EHBP1: variants seen among roughly 807,000 people sequenced by gnomAD.
The protein encoded by EHBP1 is EH domain binding protein 1, also known as EH domain-binding protein 1.
EHBP1 carries 55 observed loss-of-function variants against 144.0 expected under a neutral mutation model. The ratio of observed to expected loss-of-function variants is 0.38; its 90% CI spans 0.31 to 0.48. The LOEUF (loss-of-function observed/expected upper bound fraction) is 0.48, where lower values mean the gene tolerates loss of function less well. EHBP1 is among the 20% of genes least tolerant of loss of function. The pLI is 0.98. For missense variants in EHBP1, 1,200 were observed against 1,364.2 expected (o/e 0.88, Z 1.90); for synonymous variants, 469 against 472.7 (o/e 0.99, Z 0.10).
intron 10 of EHBP1, among the ~76,000 whole-genome samples, chr2:62,911,216 C>G: frequency 6.6e-6 from 1 of 152,146 alleles, no homozygotes; most frequent in Non-Finnish European, 1.5e-5. Flanking sequence ...ACCTCTCTCT[C>G]CCTCAGTGTG....
intron 1 of EHBP1, among the ~76,000 whole-genome samples, chr2:62,692,925 A>G (rs899752581): frequency 6.6e-6 from 1 of 151,928 alleles, no homozygotes; most frequent in Admixed American, 6.6e-5. Context: ...GTTGACTGTA[A>G]TCACCTCTTG....
At chr2:62,864,223 C>T (rs1331897632) in intron 8 of EHBP1, among the ~76,000 whole-genome samples, 2 of 152,136 alleles carry the variant, frequency 1.3e-5, no homozygotes, top group African/African-American at 4.8e-5. Flanking sequence ...TGGCTCACTG[C>T]AGCCTTGAAC....
chr2:62,848,562 C>T (rs922196731), intron 7 of EHBP1, among the ~76,000 whole-genome samples: 11 of 152,152 alleles, frequency 7.2e-5, no homozygotes, highest in Admixed American at 1.3e-4. Context: ...ATGGCTAAAC[C>T]GTAGTATGTT....
intron 7 of EHBP1, among the ~76,000 whole-genome samples, chr2:62,838,295 G>A (rs1436882056): frequency 2.0e-5 from 3 of 152,104 alleles, no homozygotes; most frequent in Non-Finnish European, 4.4e-5. Context: ...AAACTAACGA[G>A]AACAAAGACA....
chr2:62,963,837 C>T lies in EHBP1; in HGVS notation c.2460+8177C>T, dbSNP rs925664758. On this transcript the variant is annotated intron_variant, in intron 14 of 22. Coordinates refer to ENST00000431489, the MANE Select transcript of EHBP1 (RefSeq NM_001142616.3). ...TGAGCTGGAATGTCTATGCCCAGGG[C>T]ACTGAAATGAAAATACATCCTTACT... 5.3e-4 allele frequency among the ~76,000 whole-genome samples: 80 copies of T among 152,152 alleles called. 1 individual carries two copies. The highest frequency in any genetic ancestry group is 1.9e-3 in the African/African-American group (79 of 41,426).
chr2:62,674,503 A>G (rs1351126031), intron 1 of EHBP1, among the ~76,000 whole-genome samples: 1 of 152,146 alleles, frequency 6.6e-6, no homozygotes, highest in Non-Finnish European at 1.5e-5. Context: ...ATTACATTTC[A>G]TTTACCTTCA....
chr2:63,013,665 G>A lies in EHBP1; in HGVS notation c.3103+16899G>A, dbSNP rs544927603. Reference sequence around the variant, plus strand: ...CTCTGATCTTTACTCGGCTTCCCGTGTTTTCTACATCTTCAAGGACCACAT... The same window carrying A: ...CTCTGATCTTTACTCGGCTTCCCGTATTTTCTACATCTTCAAGGACCACAT... On this transcript the variant is annotated intron_variant, in intron 19 of 22. Coordinates refer to ENST00000431489, the MANE Select transcript of EHBP1 (RefSeq NM_001142616.3). Among the ~76,000 whole-genome samples, 3 of 152,292 alleles carry A rather than the reference G, an allele frequency of 2.0e-5. No individual in the cohort carries two copies. In the East Asian group the frequency reaches 5.8e-4, roughly 29 times the overall value.
rs1254462769 is a variant in EHBP1, at chr2:62,874,476, G to A, written c.1129G>A (p.Gly377Arg). The change falls in exon 10 of 23, where the codon GGA becomes AGA. Residue 377 changes from glycine to arginine, a missense_variant. Physicochemically the swap from Gly to Arg is moderately radical, Grantham distance 125. Around this residue, in one of 6 missense-constraint regions of EHBP1, gnomAD observed 266 missense variants for 262.4 expected, o/e 1.01. Transcript: ENST00000431489. Reference sequence around the variant, plus strand: ...TCCACCAGTCCTCTCACCAAAAACAGGAGTATTAAATGAAAACACAGTTTC... The same window carrying A: ...TCCACCAGTCCTCTCACCAAAAACAAGAGTATTAAATGAAAACACAGTTTC... ...PAPPVLSPKT[G>R]VLNENTVSAG... 6.2e-7 allele frequency: 1 copy of A among 1,611,902 alleles called. No homozygotes were observed. Among genetic ancestry groups the A allele is most frequent in the South Asian group, 1.1e-5 (1 of 90,492 alleles).
chr2:62,970,344 G>A lies in EHBP1; in HGVS notation c.2461-8844G>A, dbSNP rs867555474. On this transcript the variant is annotated intron_variant, in intron 14 of 22. Transcript: ENST00000431489. ...AATTACTAAGGCTGTATGAAACACC[G>A]AAGACAAAACAAATAAGCACAGGAT... Among the ~76,000 whole-genome samples the A allele has an allele frequency of 4.6e-5, 7 of 152,070 alleles. No homozygotes were observed. In the South Asian group the frequency reaches 1.0e-3, roughly 23 times the overall value.
At chr2:62,926,552 C>T (rs1391866647) in intron 10 of EHBP1, among the ~76,000 whole-genome samples, 2 of 151,976 alleles carry the variant, frequency 1.3e-5, no homozygotes, top group Non-Finnish European at 1.5e-5. Flanking sequence ...AGAAGACATA[C>T]AAATGACCAA....
chr2:62,764,438 T>A, intron 4 of EHBP1, 77 bp downstream of exon 4: 2 of 1,169,492 alleles, frequency 1.7e-6, no homozygotes, highest in Non-Finnish European at 2.4e-6. Flanking sequence ...CAGTGTTCAT[T>A]GTTCTATACA....
intron 9 of EHBP1, among the ~76,000 whole-genome samples, chr2:62,865,427 A>G (rs1472234343): frequency 1.3e-5 from 2 of 152,234 alleles, no homozygotes; most frequent in Non-Finnish European, 2.9e-5. Flanking sequence ...ATTAGGGATT[A>G]TCACAAGCTC....
chr2:63,043,890 AG>A (rs1387682036), intron 21 of EHBP1: 2 of 75,922 alleles, frequency 2.6e-5, no homozygotes, highest in Non-Finnish European at 4.8e-5. Context: ...TTGCTGGGGG[AG>A]GGGGCTGCAG....
At chr2:62,935,657 A>G (rs886079615) in intron 10 of EHBP1, among the ~76,000 whole-genome samples, 1 of 151,966 alleles carries the variant, frequency 6.6e-6, no homozygotes, top group African/African-American at 2.4e-5. Flanking sequence ...ACGTTTTACA[A>G]TTTTGTTTCT....
At chr2:63,004,882 C>G (rs190432854) in intron 19 of EHBP1, among the ~76,000 whole-genome samples, 406 of 152,162 alleles carry the variant, frequency 2.7e-3, no homozygotes, top group African/African-American at 8.7e-3. Flanking sequence ...GTTCCCACCC[C>G]CTTACCCACA....
At chr2:62,763,205 C>G (rs2040899399) in intron 3 of EHBP1, among the ~76,000 whole-genome samples, 1 of 152,098 alleles carries the variant, frequency 6.6e-6, no homozygotes, top group Non-Finnish European at 1.5e-5. Flanking sequence ...TTTCTTACCC[C>G]CAGTTCTTCT....
At chr2:63,034,688 G>A (rs1032848545) in intron 19 of EHBP1, among the ~76,000 whole-genome samples, 5 of 151,738 alleles carry the variant, frequency 3.3e-5, no homozygotes, top group Non-Finnish European at 5.9e-5. Flanking sequence ...TCAATCCTTT[G>A]TACTTACCGT....
At chr2:62,708,182 A>G (rs929387666) in intron 2 of EHBP1, among the ~76,000 whole-genome samples, 23 of 152,220 alleles carry the variant, frequency 1.5e-4, no homozygotes, top group African/African-American at 5.5e-4. Context: ...TAGATTAAAA[A>G]AATAGCTTGC....
intron 5 of EHBP1, among the ~76,000 whole-genome samples, chr2:62,797,885 A>T (rs1007112890): frequency 3.3e-5 from 5 of 152,196 alleles, no homozygotes; most frequent in Non-Finnish European, 7.3e-5. Context: ...CAAGGTGTCA[A>T]TGCAGATCAA....
Sources: allele counts gnomAD v4.1 joint callset (sites outside exome capture counted in the v4.1 genomes callset), GRCh38; gene constraint gnomAD v4.1.1; regional missense constraint gnomAD v4.1.1; transcripts MANE v1.5; gene names NCBI Gene and HGNC (gene_info 2026-07-23, HGNC 2026-07-21).